Variants in ZNF835 observed in about 807,000 individuals in gnomAD.
The protein encoded by ZNF835 is zinc finger protein 835.
For missense variants in ZNF835, 783 were observed against 758.4 expected (o/e 1.03, Z -0.38); for synonymous variants, 323 against 324.7 (o/e 0.99, Z 0.06).
chr19:56,663,162 GAAAAAAAA>G lies in ZNF835; in HGVS notation c.*415_*422del. On this transcript the variant is annotated 3_prime_UTR_variant, in exon 2 of 2. Coordinates refer to ENST00000537055, the MANE Select transcript of ZNF835 (RefSeq NM_001005850.3). ...GGCGACAGAGCAAGACTCCGTCTCA[GAAAAAAAA>G]AAAAAAAAAAATTAGCCAGACTCCT... is the stretch of plus-strand genomic sequence containing the variant. The G allele has an allele frequency of 8.2e-6, 1 of 122,626 alleles. No homozygotes were observed. Among genetic ancestry groups the G allele is most frequent in the Non-Finnish European group, 1.6e-5 (1 of 64,110 alleles). The allele number at this position is 122,626 out of a possible 1,614,324, so 7.6% of individuals were successfully genotyped here.
At position 56,663,787 on chromosome 19, in the gene ZNF835, T is replaced by C; in HGVS notation, c.1412A>G (p.Glu471Gly). Residue 471 changes from glutamate to glycine, a missense_variant, in exon 2 of 2, where the codon GAG becomes GGG. Transcript: ENST00000537055. ...GCAGCCGCTGCACTCGTAGGGCTTCTCCCCGGTGTGCACGATGTGGTGCTG... is the reference window on the plus strand; with the variant it reads ...GCAGCCGCTGCACTCGTAGGGCTTCCCCCCGGTGTGCACGATGTGGTGCTG... ...LIQHHIVHTG[E>G]KPYECSGCGK... 1.2e-6 allele frequency: 2 copies of C among 1,613,976 alleles called. No individual in the cohort carries two copies. Among genetic ancestry groups the C allele is most frequent in the South Asian group, 2.2e-5 (2 of 91,072 alleles).
At chr19:56,666,621 A>G (rs1212045605) in intron 1 of ZNF835, among the ~76,000 whole-genome samples, 2 of 152,164 alleles carry the variant, frequency 1.3e-5, no homozygotes, top group Non-Finnish European at 2.9e-5. Flanking sequence ...TTTTTTTGTA[A>G]GCTGGAGCTA....
Position 56,664,878 on chromosome 19 carries a change from C to A in ZNF835, c.321G>T (p.Lys107Asn). 6.2e-7 allele frequency: 1 copy of A among 1,613,924 alleles called. No individual in the cohort carries two copies. Among genetic ancestry groups the A allele is most frequent in the Non-Finnish European group, 8.5e-7 (1 of 1,179,904 alleles). Reference sequence around the variant, plus strand: ...CGCAGTCCCCGCATTTCCACGGCTTCTTGGGGCCTCCACCTCTCTCCCGCT... The same window carrying A: ...CGCAGTCCCCGCATTTCCACGGCTTATTGGGGCCTCCACCTCTCTCCCGCT... The part of the protein sequence containing the change: ...SRQRERGGGP[K>N]KPWKCGDCGK... The change falls in exon 2 of 2, where the codon AAG becomes AAT. Residue 107 changes from lysine (K) to asparagine (N), a missense_variant. By Grantham distance (94) the Lys-to-Asn change is moderately conservative. Coordinates refer to ENST00000537055, the MANE Select transcript of ZNF835 (RefSeq NM_001005850.3).
Position 56,664,305 on chromosome 19 carries a change from G to A in ZNF835, c.894C>T (p.Arg298=), listed in dbSNP as rs756722230. 3.1e-6 allele frequency: 5 copies of A among 1,605,112 alleles called. No homozygotes were observed. Among genetic ancestry groups the A allele is most frequent in the Non-Finnish European group, 4.3e-6 (5 of 1,176,010 alleles). Residue 298 remains arginine, a synonymous_variant, in exon 2 of 2, where the codon CGC becomes CGT. Coordinates refer to ENST00000537055, the MANE Select transcript of ZNF835 (RefSeq NM_001005850.3). ...AQIAHLTQHR[R]VHTGEKPYTC... is the part of the protein sequence containing the mutation. ...TGTAGGGCTTCTCGCCCGTGTGCAC[G>A]CGCCGGTGCTGGGTCAGGTGCGCGA...
At chr19:56,667,837 A>C (rs1040048445) in intron 1 of ZNF835, among the ~76,000 whole-genome samples, 1 of 152,144 alleles carries the variant, frequency 6.6e-6, no homozygotes, top group African/African-American at 2.4e-5. Context: ...CCTTCCTCCA[A>C]ATGAAGACAC....
Position 56,662,000 on chromosome 19 carries a change from T to C in ZNF835, c.*1585A>G, listed in dbSNP as rs1284606479. On this transcript the variant is annotated 3_prime_UTR_variant, in exon 2 of 2. Transcript: ENST00000537055. ...TCATGTGAAGTTATGAGATTATAAC[T>C]TTAATTCAACATTGTAGTAGGTGGA... is the stretch of plus-strand genomic sequence containing the variant. 1 of 152,164 alleles carries C rather than the reference T, an allele frequency of 6.6e-6. No individual in the cohort carries two copies. Among genetic ancestry groups the C allele is most frequent in the Non-Finnish European group, 1.5e-5 (1 of 68,042 alleles). The allele number at this position is 152,164 out of a possible 1,614,324, so 9.4% of individuals were successfully genotyped here. A position where few individuals can be genotyped will look rare whatever the true frequency, so the allele number is the denominator to read the frequency against.
In ZNF835 at chr19:56,664,248, C is replaced by G. The variant is rs1484066336; in HGVS notation, c.951G>C (p.Gln317His). ...TCQDCGALFS[Q>H]SASLAEHRRI... ...GCCGGTGCTCGGCCAGAGAGGCGCT[C>G]TGGCTGAAGAGCGCGCCGCAGTCCT... The change falls in exon 2 of 2, where the codon CAG becomes CAC. Residue 317 changes from glutamine to histidine, a missense_variant. Coordinates refer to ENST00000537055, the MANE Select transcript of ZNF835 (RefSeq NM_001005850.3). 3 of 1,589,006 alleles carry G rather than the reference C, an allele frequency of 1.9e-6. No individual in the cohort carries two copies. Among genetic ancestry groups the G allele is most frequent in the Non-Finnish European group, 2.6e-6 (3 of 1,171,472 alleles).
chr19:56,667,459 TG>T (rs2045255780), intron 1 of ZNF835, among the ~76,000 whole-genome samples: 1 of 152,200 alleles, frequency 6.6e-6, no homozygotes, highest in African/African-American at 2.4e-5. Flanking sequence ...AGGCTCTGCC[TG>T]GTTTTCTCTC....
rs2045205339 is a variant in ZNF835 at position 56,663,643 on chromosome 19, C to T, written c.1556G>A (p.Gly519Glu). The T allele has an allele frequency of 1.2e-6, 2 of 1,613,950 alleles. No individual in the cohort carries two copies. The highest frequency in any genetic ancestry group is 1.7e-5 in the Admixed American group (1 of 60,016). ...PDSTPGLSQG[G>E]ETCQQGCPGR... ...AGGGCACCCCTGTTGACAGGTTTCTCCTCCCTGTGAGAGCCCAGGTGTTGA... is the reference window on the plus strand; with the variant it reads ...AGGGCACCCCTGTTGACAGGTTTCTTCTCCCTGTGAGAGCCCAGGTGTTGA... The change falls in exon 2 of 2, where the codon GGA becomes GAA. Residue 519 changes from glycine (G) to glutamate (E), a missense_variant. By Grantham distance (98) the Gly-to-Glu change is moderately conservative. Coordinates refer to ENST00000537055, the MANE Select transcript of ZNF835 (RefSeq NM_001005850.3).
rs201104681 is a variant in ZNF835 at position 56,664,446 on chromosome 19, C to T, written c.753G>A (p.Glu251=). 1.2e-6 allele frequency: 2 copies of T among 1,611,320 alleles called. No homozygotes were observed. Among genetic ancestry groups the T allele is most frequent in the Non-Finnish European group, 8.5e-7 (1 of 1,179,144 alleles). ...QRIHTGEKPY[E]CSACAKAFRF... ...GGAAGGCCTTGGCGCACGCGGAGCA[C>T]TCGTAGGGCTTCTCACCGGTGTGGA... is the stretch of plus-strand genomic sequence containing the variant. Residue 251 remains glutamate, a synonymous_variant, in exon 2 of 2, where the codon GAG becomes GAA. Coordinates refer to ENST00000537055, the MANE Select transcript of ZNF835 (RefSeq NM_001005850.3).
rs546746268 is a variant in ZNF835, at chr19:56,669,540, G to A, written c.-48+2036C>T. ...CTCCATTAGCATAAATGTACTTGGGGGTCTACCAGGAGTCCTCCATTAGCA... is the reference window on the plus strand; with the variant it reads ...CTCCATTAGCATAAATGTACTTGGGAGTCTACCAGGAGTCCTCCATTAGCA... On this transcript the variant is annotated intron_variant, in intron 1 of 1. Coordinates refer to ENST00000537055, the MANE Select transcript of ZNF835 (RefSeq NM_001005850.3). Among the ~76,000 whole-genome samples the A allele has an allele frequency of 2.8e-5, 3 of 105,462 alleles. No homozygotes were observed. The South Asian group carries it at 1.0e-3, about 35-fold the overall frequency. 69.2% of individuals were successfully genotyped at this position (105,462 alleles called of 152,430 possible).
At chr19:56,668,721 G>C (rs1024631393) in intron 1 of ZNF835, among the ~76,000 whole-genome samples, 1 of 109,956 alleles carries the variant, frequency 9.1e-6, no homozygotes, top group African/African-American at 4.8e-5. Context: ...GGTAAAGGGG[G>C]TGGGGCTGGA....
chr19:56,668,336 G>A (rs1056981350), intron 1 of ZNF835, among the ~76,000 whole-genome samples: 23 of 146,576 alleles, frequency 1.6e-4, no homozygotes, highest in African/African-American at 3.0e-4. Context: ...ATGGCATTCC[G>A]TCACACCCCA....
rs1204434701 is a variant in ZNF835 at position 56,663,762 on chromosome 19, G to A, written c.1437C>T (p.Cys479=). Residue 479 remains cysteine (C), a synonymous_variant, in exon 2 of 2, where the codon TGC becomes TGT. Transcript: ENST00000537055. The part of the protein sequence containing the change: ...TGEKPYECSG[C]GKAFSFSSAL... Reference sequence around the variant, plus strand: ...CGGAGGAGAAGCTGAAGGCCTTCCCGCAGCCGCTGCACTCGTAGGGCTTCT... The same window carrying A: ...CGGAGGAGAAGCTGAAGGCCTTCCCACAGCCGCTGCACTCGTAGGGCTTCT... 2 of 1,613,926 alleles carry A rather than the reference G, an allele frequency of 1.2e-6. No homozygotes were observed. Among genetic ancestry groups the A allele is most frequent in the East Asian group, 4.5e-5 (2 of 44,886 alleles).
Position 56,665,000 on chromosome 19 carries a change from G to A in ZNF835, c.199C>T (p.Pro67Ser). ...FSRIPRTISS[P>S]AATQASVPDD... ...GGGACACTGGCTTGGGTAGCAGCAG[G>A]GCTCGATATGGTTCTTGGGATTCGG... The change falls in exon 2 of 2, where the codon CCT (proline) becomes TCT (serine). Residue 67 changes from proline to serine, a missense_variant. Transcript: ENST00000537055. 1 of 1,614,052 alleles carries A rather than the reference G, an allele frequency of 6.2e-7. No individual in the cohort carries two copies. Among genetic ancestry groups the A allele is most frequent in the South Asian group, 1.1e-5 (1 of 91,088 alleles).
Position 56,664,897 on chromosome 19 carries a change from T to C in ZNF835, c.302A>G (p.Glu101Gly). ...KERHPDSRQR[E>G]RGGGPKKPWK... is the part of the protein sequence containing the mutation. ...CGGCTTCTTGGGGCCTCCACCTCTCTCCCGCTGGCGGCTGTCAGGATGCCT... is the reference window on the plus strand; with the variant it reads ...CGGCTTCTTGGGGCCTCCACCTCTCCCCCGCTGGCGGCTGTCAGGATGCCT... The change falls in exon 2 of 2, where the codon GAG becomes GGG. Residue 101 changes from glutamate to glycine, a missense_variant. Physicochemically the swap from Glu to Gly is moderately conservative, Grantham distance 98 (BLOSUM62 -2). Coordinates refer to ENST00000537055, the MANE Select transcript of ZNF835 (RefSeq NM_001005850.3). 1.2e-6 allele frequency: 2 copies of C among 1,613,918 alleles called. No homozygotes were observed. Among genetic ancestry groups the C allele is most frequent in the Non-Finnish European group, 1.7e-6 (2 of 1,179,880 alleles).
chr19:56,667,166 A>G (rs2045253840), intron 1 of ZNF835, among the ~76,000 whole-genome samples: 1 of 152,378 alleles, frequency 6.6e-6, no homozygotes, highest in East Asian at 1.9e-4. Flanking sequence ...GAAGCCATAC[A>G]TATAGTTACT....
Position 56,663,715 on chromosome 19 carries a change from G to T in ZNF835, c.1484C>A (p.Thr495Lys), listed in dbSNP as rs1291957669. The change falls in exon 2 of 2, where the codon ACG becomes AAG. Residue 495 changes from threonine to lysine, a missense_variant. Thr to Lys is a moderately conservative substitution (Grantham distance 78, BLOSUM62 -1). Transcript: ENST00000537055. ...FSSALIRHQR[T>K]HADSSGRLCP... Reference sequence around the variant, plus strand: ...AAGGCGTCCCGAACTGTCTGCATGCGTCCTCTGGTGTCGGATGAGCGCGGA... The same window carrying T: ...AAGGCGTCCCGAACTGTCTGCATGCTTCCTCTGGTGTCGGATGAGCGCGGA... 1 of 1,613,992 alleles carries T rather than the reference G, an allele frequency of 6.2e-7. No individual in the cohort carries two copies. Among genetic ancestry groups the T allele is most frequent in the African/African-American group, 1.3e-5 (1 of 75,056 alleles).
intron 1 of ZNF835, among the ~76,000 whole-genome samples, chr19:56,670,260 T>G (rs1347922830): frequency 6.6e-6 from 1 of 152,120 alleles, no homozygotes; most frequent in Admixed American, 6.5e-5. Context: ...TTTTAGGGGC[T>G]CTGGTACCAG....
Sources: allele counts gnomAD v4.1 joint callset (sites outside exome capture counted in the v4.1 genomes callset), GRCh38; gene constraint gnomAD v4.1.1; transcripts MANE v1.5; gene names NCBI Gene and HGNC (gene_info 2026-07-23, HGNC 2026-07-21).